The following TOGARAM2 variants were observed in gnomAD, a reference collection of about 807,000 sequenced individuals.
The protein encoded by TOGARAM2 is TOG array regulator of axonemal microtubules protein 2.
A neutral mutation model predicts 93.3 loss-of-function variants in TOGARAM2; 85 were observed. The ratio of observed to expected loss-of-function variants is 0.91; its 90% confidence interval spans 0.76 to 1.09. The LOEUF (loss-of-function observed/expected upper bound fraction) is 1.09. Among genes scored for constraint, TOGARAM2 ranks in the 50% least tolerant of loss-of-function variants. The probability of loss-of-function intolerance (pLI) is 0.00; values close to 1 mark genes in which losing one functional copy is unlikely to be tolerated. For missense variants in TOGARAM2, 1,277 were observed against 1,334.5 expected (o/e 0.96, Z 0.67); for synonymous variants, 593 against 552.8 (o/e 1.07, Z -1.02).
chr2:29,005,929 A>AGT (rs369554680), intron 6 of TOGARAM2, among the ~76,000 whole-genome samples: 29 of 115,390 alleles, frequency 2.5e-4, no homozygotes, highest in South Asian at 1.3e-3. Context: ...ATGTGTGTGG[A>AGT]GTGTGTGTGT....
intron 1 of TOGARAM2, among the ~76,000 whole-genome samples, chr2:28,966,546 T>C (rs959465135): frequency 3.9e-5 from 6 of 152,130 alleles, no homozygotes; most frequent in African/African-American, 1.4e-4. Context: ...TCTGCCCACC[T>C]CAGCCTCCCA....
At chr2:28,978,206 C>G (rs189372262), upstream of TOGARAM2, among the ~76,000 whole-genome samples, 2 of 151,996 alleles carry the variant, frequency 1.3e-5, no homozygotes, top group African/African-American at 4.8e-5. Context: ...CGTGCCCGGC[C>G]GGAGATGGGT....
intron 14 of TOGARAM2, among the ~76,000 whole-genome samples, chr2:29,029,688 G>A (rs1245707907): frequency 2.0e-5 from 3 of 147,916 alleles, no homozygotes; most frequent in Non-Finnish European, 3.0e-5. Flanking sequence ...CCCGGGAGGC[G>A]GAGCTTGCAG....
chr2:28,984,966 T>C (rs1291253878), intron 1 of TOGARAM2, among the ~76,000 whole-genome samples: 1 of 152,236 alleles, frequency 6.6e-6, no homozygotes, highest in Non-Finnish European at 1.5e-5. Flanking sequence ...GCCAGTGTGA[T>C]GCCTATAGGG....
intron 1 of TOGARAM2, chr2:28,972,508 C>T (rs750281711): frequency 1.1e-4 from 17 of 152,216 alleles, no homozygotes; most frequent in Admixed American, 7.9e-4. Context: ...AACTCATCAC[C>T]TTCAGACGCA....
At position 29,022,273 on chromosome 2, in the gene TOGARAM2, G is replaced by A. The variant is rs368839088; in HGVS notation, c.1476G>A (p.Leu492=). ...CTTTCTCGAACCCGGAGCTGGGGCT[G>A]AGGGATGCACTCCAGTGCCTCAACA... is the stretch of plus-strand genomic sequence containing the variant. ...LRPFSNPELG[L]RDALQCLNSS... Residue 492 remains leucine (L), a synonymous_variant, in exon 11 of 20, where the codon CTG becomes CTA. Coordinates refer to ENST00000379558, the MANE Select transcript of TOGARAM2 (RefSeq NM_199280.4). 7 of 1,613,934 alleles carry A rather than the reference G, an allele frequency of 4.3e-6. No individual in the cohort carries two copies. Among genetic ancestry groups the A allele is most frequent in the Non-Finnish European group, 5.9e-6 (7 of 1,179,904 alleles).
At chr2:28,984,862 G>C (rs1046308981) in intron 1 of TOGARAM2, among the ~76,000 whole-genome samples, 1 of 152,212 alleles carries the variant, frequency 6.6e-6, no homozygotes, top group Non-Finnish European at 1.5e-5. Context: ...ACCAGGCACT[G>C]TAGTGGCAAG....
At chr2:29,037,101 C>T (rs57111781) in intron 18 of TOGARAM2, among the ~76,000 whole-genome samples, 13,712 of 150,894 alleles carry the variant, frequency 0.091, 701 homozygotes, top group East Asian at 0.14. Context: ...TGGGGCTTGG[C>T]GTGGGGTTTG....
At chr2:29,006,885 C>T (rs1663911171) in intron 6 of TOGARAM2, among the ~76,000 whole-genome samples, 1 of 152,188 alleles carries the variant, frequency 6.6e-6, no homozygotes, top group Admixed American at 6.5e-5. Flanking sequence ...CTGTGCCTCT[C>T]ATGACTCACT....
intron 10 of TOGARAM2, among the ~76,000 whole-genome samples, chr2:29,019,513 A>C (rs574856704): frequency 6.6e-6 from 1 of 152,288 alleles, no homozygotes; most frequent in South Asian, 2.1e-4. Flanking sequence ...CTAGTGATGT[A>C]AAAGCCACCC....
intron 1 of TOGARAM2, among the ~76,000 whole-genome samples, chr2:28,961,323 G>T (rs1394658796): frequency 6.6e-6 from 1 of 152,078 alleles, no homozygotes; most frequent in East Asian, 1.9e-4. Flanking sequence ...AAGCTTTGAG[G>T]TATAATTTAT....
At chr2:28,985,363 G>GTTTTGT (rs971505835) in intron 1 of TOGARAM2, among the ~76,000 whole-genome samples, 7 of 150,300 alleles carry the variant, frequency 4.7e-5, no homozygotes, top group Admixed American at 2.0e-4. Flanking sequence ...TCATTTTTTT[G>GTTTTGT]TTTTGTTTTT....
chr2:28,998,833 T>C (rs1245213005), intron 3 of TOGARAM2, among the ~76,000 whole-genome samples: 1 of 152,168 alleles, frequency 6.6e-6, no homozygotes, highest in Non-Finnish European at 1.5e-5. Context: ...AGGTCAGTGC[T>C]CGGGGATCTG....
intron 1 of TOGARAM2, among the ~76,000 whole-genome samples, chr2:28,991,760 G>C (rs1672743590): frequency 6.6e-6 from 1 of 152,190 alleles, no homozygotes; most frequent in African/African-American, 2.4e-5. Context: ...GCCCTAGCTA[G>C]CTTTTGTTCC....
upstream of TOGARAM2, among the ~76,000 whole-genome samples, chr2:28,978,174 T>C (rs1175042601): frequency 1.3e-5 from 2 of 152,136 alleles, no homozygotes; most frequent in East Asian, 3.9e-4. Context: ...CCTAAAGTGC[T>C]GGGATGACAG....
At chr2:28,987,298 GT>G (rs1266561745) in intron 1 of TOGARAM2, among the ~76,000 whole-genome samples, 2 of 152,106 alleles carry the variant, frequency 1.3e-5, no homozygotes, top group African/African-American at 2.4e-5. Flanking sequence ...GTGCTTTAGT[GT>G]TTTTTTATGA....
chr2:28,987,312 C>G (rs751762769), intron 1 of TOGARAM2, among the ~76,000 whole-genome samples: 40 of 152,162 alleles, frequency 2.6e-4, no homozygotes, highest in Non-Finnish European at 5.7e-4. Context: ...TTTTATGAGA[C>G]GGAGTCTTGC....
At chr2:28,991,036 G>GTGTT (rs1553336237) in intron 1 of TOGARAM2, among the ~76,000 whole-genome samples, 1 of 126,318 alleles carries the variant, frequency 7.9e-6, no homozygotes, top group African/African-American at 3.2e-5. Context: ...GTGTGTGTGT[G>GTGTT]TGTGGCTTTT....
Position 28,999,469 on chromosome 2 carries a change from G to A in TOGARAM2, c.427+1G>A, listed in dbSNP as rs758708754. ...GAGGGCTTGGCAGCGTCTTCCCGAG[G>A]TGAGCACTGGCCCCTGCCCACCCCT... is the stretch of plus-strand genomic sequence containing the variant. On this transcript the variant is annotated splice_donor_variant, in intron 4 of 19. Coordinates refer to ENST00000379558, the MANE Select transcript of TOGARAM2 (RefSeq NM_199280.4). LOFTEE classifies it high-confidence loss of function. 6.3e-7 allele frequency: 1 copy of A among 1,597,152 alleles called. No individual in the cohort carries two copies. Among genetic ancestry groups the A allele is most frequent in the African/African-American group, 1.3e-5 (1 of 74,730 alleles).
Sources: gnomAD v4.1 joint callset for allele counts (sites outside exome capture counted in the v4.1 genomes callset) on GRCh38, gnomAD v4.1.1 for gene constraint, MANE v1.5 for transcripts, NCBI Gene and HGNC (gene_info 2026-07-23, HGNC 2026-07-21) for gene names.